NUDT12: variants seen among roughly 807,000 people sequenced by gnomAD.
The protein encoded by NUDT12 is nudix hydrolase 12.
A neutral mutation model predicts 45.7 loss-of-function variants in NUDT12; 42 were observed. That is an observed-to-expected ratio of 0.92 (90% confidence interval 0.72 to 1.19). The LOEUF is 1.19. NUDT12 is among the 50% of genes most tolerant of loss of function. The probability of loss-of-function intolerance (pLI) is 0.00; values close to 1 mark genes in which losing one functional copy is unlikely to be tolerated. For missense variants in NUDT12, 590 were observed against 533.1 expected (o/e 1.11, Z -1.05); for synonymous variants, 206 against 179.7 (o/e 1.15, Z -1.17).
intron 1 of NUDT12, among the ~76,000 whole-genome samples, chr5:103,561,051 T>A (rs11737902): frequency 0.13 from 19,345 of 151,054 alleles, 1,452 homozygotes; most frequent in Middle Eastern, 0.24. Context: ...CACACTGAGC[T>A]TTTTTTGTCT....
At position 103,554,820 on chromosome 5, in the gene NUDT12, T is replaced by C. The variant is rs2112449248; in HGVS notation, c.998A>G (p.Asp333Gly). ...CCTGCCTAAAAGGCATTTGGTCCCATCTGGATGAATAACTTGCATGATTAC... is the reference window on the plus strand; with the variant it reads ...CCTGCCTAAAAGGCATTTGGTCCCACCTGGATGAATAACTTGCATGATTAC... Reference protein sequence around the residue: ...PVVIMQVIHPDGTKCLLGRQK... With the variant: ...PVVIMQVIHPGGTKCLLGRQK... Residue 333 changes from aspartate to glycine, a missense_variant, in exon 5 of 7, where the codon GAT becomes GGT. Transcript: ENST00000230792. The C allele has an allele frequency of 7.7e-6, 12 of 1,558,710 alleles. No individual in the cohort carries two copies. Among genetic ancestry groups the C allele is most frequent in the Non-Finnish European group, 1.0e-5 (12 of 1,146,474 alleles).
At chr5:103,553,107 A>C (rs991360780) in intron 5 of NUDT12, among the ~76,000 whole-genome samples, 10 of 152,082 alleles carry the variant, frequency 6.6e-5, no homozygotes, top group African/African-American at 2.4e-4. Flanking sequence ...ATTTAGCAAA[A>C]TATATTTTAA....
At chr5:103,562,203 C>T (rs1749053318) in intron 1 of NUDT12, among the ~76,000 whole-genome samples, 1 of 152,028 alleles carries the variant, frequency 6.6e-6, no homozygotes. Context: ...TGACATGTAA[C>T]CCGGGGCCCA....
In NUDT12 at chr5:103,560,207, A is replaced by C. The variant is rs763128105; in HGVS notation, c.42T>G (p.Thr14=). ...VKRSLKQEIV[T]QFHCSAAEGD... Reference sequence around the variant, plus strand: ...CTTCAGCAGCTGAACAGTGAAACTGAGTAACTATTTCTTGCTTCAGACTTC... The same window carrying C: ...CTTCAGCAGCTGAACAGTGAAACTGCGTAACTATTTCTTGCTTCAGACTTC... The change falls in exon 2 of 7, where the codon ACT becomes ACG. Residue 14 remains threonine, a synonymous_variant. Transcript: ENST00000230792. 1 of 1,613,892 alleles carries C rather than the reference A, an allele frequency of 6.2e-7. No individual in the cohort carries two copies. Among genetic ancestry groups the C allele is most frequent in the East Asian group, 2.2e-5 (1 of 44,866 alleles).
rs748770936 is a variant in NUDT12, at chr5:103,558,882, CTTCT to C, written c.789_792del (p.Glu264LeufsTer4). 8 of 1,552,652 alleles carry C rather than the reference CTTCT, an allele frequency of 5.2e-6. No homozygotes were observed. Among genetic ancestry groups the C allele is most frequent in the Middle Eastern group, 1.7e-4 (1 of 5,772 alleles). ...AAAAGCAGCATTCATTTCTTACCAG[CTTCT>C]TTTTCTTTCAATTGCAGAAGGGCTG... On this transcript the variant is annotated frameshift_variant, in exon 3 of 7. Coordinates refer to ENST00000230792, the MANE Select transcript of NUDT12 (RefSeq NM_031438.4). LOFTEE classifies it high-confidence loss of function.
Position 103,555,998 on chromosome 5 carries a change from C to CT in NUDT12, c.896dup (p.Arg300GlufsTer10). ...GACAGTCTTCTTTTAAACATAATCT[C>CT]TTATAGCCACCTTCTTCAATTTTAG... is the stretch of plus-strand genomic sequence containing the variant. On this transcript the variant is annotated frameshift_variant, in exon 4 of 7. Coordinates refer to ENST00000230792, the MANE Select transcript of NUDT12 (RefSeq NM_031438.4). LOFTEE classifies it high-confidence loss of function. 6.2e-7 allele frequency: 1 copy of CT among 1,611,676 alleles called. No homozygotes were observed. The highest frequency in any genetic ancestry group is 8.5e-7 in the Non-Finnish European group (1 of 1,178,472).
chr5:103,552,442 G>C, intron 5 of NUDT12, 26 bp from the exon 6 acceptor site: 1 of 1,578,114 alleles, frequency 6.3e-7, no homozygotes, highest in East Asian at 2.2e-5. Context: ...AAAAGAACAA[G>C]TTGCTGATGA....
In NUDT12 at chr5:103,549,681, T is replaced by C. The variant is rs1748591370; in HGVS notation, c.*1180A>G. On this transcript the variant is annotated 3_prime_UTR_variant, in exon 7 of 7. Transcript: ENST00000230792. ...TTATCCTTAAGGTCTCTTGTAGCTC[T>C]AGCATACATTAGTAAAGATGCAAAT... 1 of 152,082 alleles carries C rather than the reference T, an allele frequency of 6.6e-6. No homozygotes were observed. The highest frequency in any genetic ancestry group is 6.6e-5 in the Admixed American group (1 of 15,254). The allele number at this position is 152,082 out of a possible 1,614,324, so 9.4% of individuals were successfully genotyped here. A position where few individuals can be genotyped will look rare whatever the true frequency, so the allele number is the denominator to read the frequency against.
chr5:103,554,894 A>T (rs757905386), intron 4 of NUDT12, 41 bp from the exon 5 acceptor site: 2 of 770,086 alleles, frequency 2.6e-6, no homozygotes, highest in Non-Finnish European at 4.4e-6. Flanking sequence ...GGCAGGAAAA[A>T]CGAATTTAGA....
Position 103,550,870 on chromosome 5 carries a change from A to T in NUDT12, c.1380T>A (p.Pro460=). 6.2e-7 allele frequency: 1 copy of T among 1,602,538 alleles called. No individual in the cohort carries two copies. The highest frequency in any genetic ancestry group is 8.5e-7 in the Non-Finnish European group (1 of 1,169,688). Residue 460 remains proline, a synonymous_variant, in exon 7 of 7, where the codon CCT becomes CCA. Transcript: ENST00000230792. ...QLIKHWIRIN[P]NL is the part of the protein sequence containing the mutation. The stretch of plus-strand genomic sequence containing the variant: ...AGCTTAGTTCTTAGATTTAGAGATT[A>T]GGATTTATTCTAATCCAGTGTTTGA...
intron 5 of NUDT12, among the ~76,000 whole-genome samples, chr5:103,553,592 A>G (rs558264318): frequency 2.0e-5 from 3 of 152,244 alleles, no homozygotes; most frequent in Admixed American, 6.5e-5. Context: ...TAAGATGCTC[A>G]TAACACATGA....
intron 3 of NUDT12, among the ~76,000 whole-genome samples, chr5:103,558,654 T>C (rs976649703): frequency 2.6e-5 from 4 of 152,148 alleles, no homozygotes; most frequent in Admixed American, 6.5e-5. Flanking sequence ...GAGATCATCA[T>C]GCACCAGGGT....
Position 103,550,675 on chromosome 5 carries a change from A to G in NUDT12, c.*186T>C, listed in dbSNP as rs1241297420. On this transcript the variant is annotated 3_prime_UTR_variant, in exon 7 of 7. Transcript: ENST00000230792. ...CCCAAATTTAACATAATCTGAGGCA[A>G]TATTGTAAAAATGTGTAAAAATATG... is the stretch of plus-strand genomic sequence containing the variant. 2.5e-5 allele frequency: 11 copies of G among 442,772 alleles called. No individual in the cohort carries two copies. Among genetic ancestry groups the G allele is most frequent in the African/African-American group, 2.2e-4 (11 of 50,760 alleles). The allele number at this position is 442,772 out of a possible 1,614,324, so 27.4% of individuals were successfully genotyped here. A position where few individuals can be genotyped will look rare whatever the true frequency, so the allele number is the denominator to read the frequency against.
intron 1 of NUDT12, among the ~76,000 whole-genome samples, chr5:103,562,050 G>A (rs1288288539): frequency 6.6e-6 from 1 of 152,138 alleles, no homozygotes; most frequent in Non-Finnish European, 1.5e-5. Context: ...TCATTGACAG[G>A]TTATAGAAGG....
chr5:103,555,773 T>C (rs1028328275), intron 4 of NUDT12, among the ~76,000 whole-genome samples, 158 bp downstream of exon 4: 2 of 152,056 alleles, frequency 1.3e-5, no homozygotes, highest in Admixed American at 1.3e-4. Context: ...GTTTTTTACT[T>C]AAAAATCATG....
rs1748683535 is a variant in NUDT12 at position 103,552,423 on chromosome 5, A to C, written c.1079-7T>G. 6.2e-7 allele frequency: 1 copy of C among 1,608,938 alleles called. No individual in the cohort carries two copies. ...GCATCTTCTATTGTCTCTCCTAATG[A>C]AATGGAGCAAAAGAACAAGTTGCTG... is the stretch of plus-strand genomic sequence containing the variant. On this transcript the variant is annotated splice_region_variant and splice_polypyrimidine_tract_variant and intron_variant, in intron 5 of 6. Coordinates refer to ENST00000230792, the MANE Select transcript of NUDT12 (RefSeq NM_031438.4).
chr5:103,555,937 T>G lies in NUDT12; in HGVS notation c.958A>C (p.Arg320=), dbSNP rs755787787. 6.4e-7 allele frequency: 1 copy of G among 1,571,144 alleles called. No homozygotes were observed. The highest frequency in any genetic ancestry group is 8.6e-7 in the Non-Finnish European group (1 of 1,159,628). ...LNGVHNTSYP[R]VDPVVIMQVI... Reference sequence around the variant, plus strand: ...TATAAAATAAAGGGCTTACCAACTCTTGGGTATGAGGTATTATGGACGCCA... The same window carrying G: ...TATAAAATAAAGGGCTTACCAACTCGTGGGTATGAGGTATTATGGACGCCA... Residue 320 remains arginine (R), a synonymous_variant, in exon 4 of 7, where the codon AGA becomes CGA. Coordinates refer to ENST00000230792, the MANE Select transcript of NUDT12 (RefSeq NM_031438.4).
At chr5:103,552,813 T>C (rs1290547729) in intron 5 of NUDT12, among the ~76,000 whole-genome samples, 1 of 152,150 alleles carries the variant, frequency 6.6e-6, no homozygotes, top group Middle Eastern at 3.2e-3. Context: ...CACACTAAAA[T>C]TCTGAAACTT....
chr5:103,555,660 C>G lies in NUDT12; in HGVS notation c.964+271G>C, dbSNP rs547671486. Reference sequence around the variant, plus strand: ...AATTGTACTTAGTGGGGCTTTTTCTCCACTAAGTAGAGCCAAATTGGTTGG... The same window carrying G: ...AATTGTACTTAGTGGGGCTTTTTCTGCACTAAGTAGAGCCAAATTGGTTGG... On this transcript the variant is annotated intron_variant, in intron 4 of 6. Coordinates refer to ENST00000230792, the MANE Select transcript of NUDT12 (RefSeq NM_031438.4). Among the ~76,000 whole-genome samples the G allele has an allele frequency of 5.9e-5, 9 of 152,056 alleles. No individual in the cohort carries two copies. The South Asian group carries it at 1.2e-3, about 21-fold the overall frequency.
Sources: gnomAD v4.1 joint callset for allele counts (sites outside exome capture counted in the v4.1 genomes callset) on GRCh38, gnomAD v4.1.1 for gene constraint, MANE v1.5 for transcripts, NCBI Gene and HGNC (gene_info 2026-07-23, HGNC 2026-07-21) for gene names.